RYR2: variants seen among roughly 807,000 people sequenced by gnomAD.
The protein encoded by RYR2 is cardiac muscle ryanodine receptor-calcium release channel.
RYR2 carries 227 observed loss-of-function variants against 601.1 expected under a neutral mutation model. The ratio of observed to expected loss-of-function variants is 0.38; its 90% CI spans 0.34 to 0.42. The LOEUF (loss-of-function observed/expected upper bound fraction) is 0.42, where lower values mean the gene tolerates loss of function less well. Among genes scored for constraint, RYR2 ranks in the 10% least tolerant of loss-of-function variants. RYR2 has a pLI of 1.00. For missense variants in RYR2, 4,646 were observed against 6,156.5 expected (o/e 0.75, Z 8.21); for synonymous variants, 2,223 against 2,175.1 (o/e 1.02, Z -0.61).
chr1:237,710,435 G>T (rs1183431211), intron 70 of RYR2, among the ~76,000 whole-genome samples: 1 of 151,864 alleles, frequency 6.6e-6, no homozygotes, highest in Non-Finnish European at 1.5e-5. Flanking sequence ...TTTAATATTT[G>T]GGATGACAAA....
At position 237,269,529 on chromosome 1, in the gene RYR2, T is replaced by C. The variant is rs372563404; in HGVS notation, c.49-968T>C. Among the ~76,000 whole-genome samples, 10 of 152,320 alleles carry C rather than the reference T, an allele frequency of 6.6e-5. No homozygotes were observed. The South Asian group carries it at 1.9e-3, about 28-fold the overall frequency. ...TGATTATATTGCTCTTTTACTACTC[T>C]GTTATGTTTTCTTTTGTTTCCTTGA... On this transcript the variant is annotated intron_variant, in intron 1 of 104. Transcript: ENST00000366574.
rs138642682 is a variant in RYR2 at position 237,638,967 on chromosome 1, C to T, written c.6929-48C>T. The stretch of plus-strand genomic sequence containing the variant: ...TAGTATAACATTTATTTGTTCAGAA[C>T]TTCCATATAATCATATTTGTTTACT... On this transcript the variant is annotated intron_variant, in intron 45 of 104. Coordinates refer to ENST00000366574, the MANE Select transcript of RYR2 (RefSeq NM_001035.3). 3,856 of 1,585,700 alleles carry T rather than the reference C, an allele frequency of 2.4e-3. 6 individuals carry two copies. The highest frequency in any genetic ancestry group is 3.0e-3 in the Non-Finnish European group (3,526 of 1,160,070).
At chr1:237,435,711 A>G (rs1214804262) in intron 12 of RYR2, among the ~76,000 whole-genome samples, 2 of 152,222 alleles carry the variant, frequency 1.3e-5, no homozygotes, top group African/African-American at 4.8e-5. Flanking sequence ...AAGTTACAAA[A>G]CACAAGTGGT....
intron 10 of RYR2, among the ~76,000 whole-genome samples, chr1:237,402,746 C>T (rs1371661728): frequency 1.6e-5 from 1 of 63,900 alleles, no homozygotes; most frequent in Non-Finnish European, 3.7e-5. Context: ...GAGATTTCAT[C>T]CCTACAAAAA....
At chr1:237,322,848 G>GT (rs10628419) in intron 2 of RYR2, among the ~76,000 whole-genome samples, 2 of 148,366 alleles carry the variant, frequency 1.3e-5, no homozygotes, top group East Asian at 2.0e-4. Flanking sequence ...GTGTGTGTGT[G>GT]GTGTTAATTT....
intron 1 of RYR2, among the ~76,000 whole-genome samples, chr1:237,134,659 G>A (rs1468504489): frequency 6.6e-6 from 1 of 152,196 alleles, no homozygotes; most frequent in Admixed American, 6.5e-5. Context: ...CAGTTTGTCT[G>A]ATGTTCTCTT....
intron 1 of RYR2, among the ~76,000 whole-genome samples, chr1:237,190,044 T>C (rs2148993665): frequency 6.6e-6 from 1 of 152,046 alleles, no homozygotes; most frequent in South Asian, 2.1e-4. Flanking sequence ...AGCTAATTTA[T>C]TTATTTTTTA....
chr1:237,613,996 T>G (rs371162985), intron 36 of RYR2, 43 bp from the exon 37 acceptor site: 1 of 1,544,668 alleles, frequency 6.5e-7, no homozygotes, highest in South Asian at 1.2e-5. Context: ...TTTTAAAAAA[T>G]CATTCATTTC....
At chr1:237,525,415 C>T (rs932585332) in intron 24 of RYR2, among the ~76,000 whole-genome samples, 17 of 151,486 alleles carry the variant, frequency 1.1e-4, no homozygotes, top group South Asian at 2.1e-4. Context: ...TAAATAGTGC[C>T]GCAATGAACA....
At chr1:237,239,064 G>T (rs1685883912) in intron 1 of RYR2, among the ~76,000 whole-genome samples, 1 of 152,030 alleles carries the variant, frequency 6.6e-6, no homozygotes. Flanking sequence ...AAACAATTAA[G>T]GCAAAAAGTT....
chr1:237,154,303 A>G (rs750362353), intron 1 of RYR2, among the ~76,000 whole-genome samples: 1 of 152,230 alleles, frequency 6.6e-6, no homozygotes, highest in Non-Finnish European at 1.5e-5. Context: ...TTATCCAATG[A>G]TAAGCGTGTG....
chr1:237,122,559 G>C (rs1051063143), intron 1 of RYR2, among the ~76,000 whole-genome samples: 31 of 152,216 alleles, frequency 2.0e-4, no homozygotes, highest in African/African-American at 7.5e-4. Context: ...GCCTACGCCT[G>C]TAATCCCAGC....
chr1:237,554,358 A>G (rs910474291), intron 27 of RYR2, among the ~76,000 whole-genome samples: 20 of 151,884 alleles, frequency 1.3e-4, no homozygotes, highest in African/African-American at 3.4e-4. Flanking sequence ...GTCATGATGC[A>G]TTGTCCTTTT....
chr1:237,302,849 A>G lies in RYR2; in HGVS notation c.169-28029A>G, dbSNP rs571757589. ...CAACATTGCCTTAGAATAAATTCCTAAAAATGGAATTCTAGGGTAAAGTCA... is the reference window on the plus strand; with the variant it reads ...CAACATTGCCTTAGAATAAATTCCTGAAAATGGAATTCTAGGGTAAAGTCA... On this transcript the variant is annotated intron_variant, in intron 2 of 104. Transcript: ENST00000366574. Among the ~76,000 whole-genome samples, 14 of 152,302 alleles carry G rather than the reference A, an allele frequency of 9.2e-5. No individual in the cohort carries two copies. The East Asian group carries it at 2.3e-3, about 25-fold the overall frequency.
Position 237,423,228 on chromosome 1 carries a change from T to C in RYR2, c.985T>C (p.Phe329Leu), listed in dbSNP as rs911638241. Residue 329 changes from phenylalanine to leucine, a missense_variant, in exon 12 of 105, where the codon TTT becomes CTT. Physicochemically the swap from Phe to Leu is conservative, Grantham distance 22 (BLOSUM62 0). Transcript: ENST00000366574. ...GAAAGCTGATGTAAAATCAACAGCA[T>C]TTACCTTCCGGTCTTCCAAGGTGAG... The part of the protein sequence containing the change: ...KEKADVKSTA[F>L]TFRSSKEKLD... The C allele has an allele frequency of 1.8e-5, 29 of 1,613,460 alleles. No homozygotes were observed. The highest frequency in any genetic ancestry group is 2.2e-5 in the Non-Finnish European group (26 of 1,179,744).
At chr1:237,249,507 C>G (rs1572356984) in intron 1 of RYR2, among the ~76,000 whole-genome samples, 1 of 152,106 alleles carries the variant, frequency 6.6e-6, no homozygotes, top group Non-Finnish European at 1.5e-5. Flanking sequence ...TTACTTTGAT[C>G]TTTATGGTAA....
intron 55 of RYR2, among the ~76,000 whole-genome samples, chr1:237,660,392 G>A (rs1298840854): frequency 6.6e-6 from 1 of 151,928 alleles, no homozygotes; most frequent in African/African-American, 2.4e-5. Context: ...GATGAGTGAT[G>A]ACAAAGTAAT....
chr1:237,757,817 A>G (rs1693084671), intron 82 of RYR2, 41 bp downstream of exon 82: 1 of 1,187,978 alleles, frequency 8.4e-7, no homozygotes, highest in East Asian at 2.3e-5. Flanking sequence ...CTTTTCAGAC[A>G]AATGGACCAT....
intron 1 of RYR2, among the ~76,000 whole-genome samples, chr1:237,048,620 T>C (rs926585448): frequency 1.5e-4 from 23 of 152,176 alleles, no homozygotes; most frequent in Admixed American, 4.6e-4. Flanking sequence ...TTTTCTTGGA[T>C]CACTCTAACC....
Sources: allele counts gnomAD v4.1 joint callset (sites outside exome capture counted in the v4.1 genomes callset), GRCh38; gene constraint gnomAD v4.1.1; transcripts MANE v1.5; gene names NCBI Gene and HGNC (gene_info 2026-07-23, HGNC 2026-07-21).